CCSER2: variants seen among roughly 807,000 people sequenced by gnomAD.
CCSER2 encodes the protein serine-rich coiled-coil domain-containing protein 2.
A neutral mutation model predicts 92.3 loss-of-function variants in CCSER2; 46 were observed. The ratio of observed to expected loss-of-function variants is 0.50; its 90% CI spans 0.39 to 0.64. The LOEUF is 0.64. CCSER2 is among the 30% of genes least tolerant of loss of function. The probability of loss-of-function intolerance (pLI) is 0.00; values close to 1 mark genes in which losing one functional copy is unlikely to be tolerated. For synonymous variants in CCSER2, 433 were observed against 431.4 expected, an observed-to-expected ratio of 1.00 and a Z score of -0.04; for missense variants, 1,244 against 1,238.9, an observed-to-expected ratio of 1.00 and a Z score of -0.06.
chr10:84,506,825 A>AATT (rs1564734167), intron 9 of CCSER2, among the ~76,000 whole-genome samples: 1 of 151,880 alleles, frequency 6.6e-6, no homozygotes, highest in East Asian at 1.9e-4. Flanking sequence ...ATAAATAAAT[A>AATT]AATCTAACAC....
intron 3 of CCSER2, among the ~76,000 whole-genome samples, chr10:84,407,540 A>G (rs1281919644): frequency 6.6e-6 from 1 of 152,152 alleles, no homozygotes; most frequent in Non-Finnish European, 1.5e-5. Context: ...AGTGTGTTTC[A>G]TTACTGCTTA....
chr10:84,508,019 T>C (rs1195333541), intron 9 of CCSER2, among the ~76,000 whole-genome samples: 1 of 152,236 alleles, frequency 6.6e-6, no homozygotes, highest in Non-Finnish European at 1.5e-5. Flanking sequence ...CATCTGGTTA[T>C]ACTGTATATT....
chr10:84,400,577 C>A (rs903613981), intron 3 of CCSER2, among the ~76,000 whole-genome samples: 1 of 152,124 alleles, frequency 6.6e-6, no homozygotes, highest in South Asian at 2.1e-4. Flanking sequence ...TGACTTCATT[C>A]TTTTGCCATT....
At position 84,463,949 on chromosome 10, in the gene CCSER2, C is replaced by T. The variant is rs1328938818; in HGVS notation, c.2081C>T (p.Ser694Leu). 6.2e-7 allele frequency: 1 copy of T among 1,608,418 alleles called. No individual in the cohort carries two copies. The highest frequency in any genetic ancestry group is 1.1e-5 in the South Asian group (1 of 90,818). Residue 694 changes from serine to leucine, a missense_variant, in exon 7 of 10, where the codon TCA becomes TTA. Ser to Leu is a moderately radical substitution (Grantham distance 145). Coordinates refer to ENST00000372088, the MANE Select transcript of CCSER2 (RefSeq NM_001284240.2). ...TTCTGACAGCATGATGGAAGTGGTTCATTGCATGATATTCAACTGTCATTG... is the reference window on the plus strand; with the variant it reads ...TTCTGACAGCATGATGGAAGTGGTTTATTGCATGATATTCAACTGTCATTG... ...RLLHQHDGSGSLHDIQLSLPS... is the reference protein window; with the variant it reads ...RLLHQHDGSGLLHDIQLSLPS...
Position 84,332,266 on chromosome 10 carries a change from G to A in CCSER2, c.-40+3458G>A, listed in dbSNP as rs115478939. Among the ~76,000 whole-genome samples the A allele has an allele frequency of 4.1e-3, 623 of 151,162 alleles. 4 individuals are homozygous for A. The highest frequency in any genetic ancestry group is 0.015 in the African/African-American group (610 of 41,246). ...TCTAGTTTTATTTTCTCCTTTATTT[G>A]TCCATCGTCCATAAATTTATTGGAA... On this transcript the variant is annotated intron_variant, in intron 1 of 9. Coordinates refer to ENST00000372088, the MANE Select transcript of CCSER2 (RefSeq NM_001284240.2).
chr10:84,337,489 G>A (rs1843903856), intron 1 of CCSER2, among the ~76,000 whole-genome samples: 1 of 152,196 alleles, frequency 6.6e-6, no homozygotes, highest in African/African-American at 2.4e-5. Flanking sequence ...TGGAAGTGAA[G>A]ACTTGATTGG....
In CCSER2 at chr10:84,392,868, T is replaced by C. The variant is rs149949260; in HGVS notation, c.1614+19053T>C. 4.0e-3 allele frequency among the ~76,000 whole-genome samples: 606 copies of C among 152,278 alleles called. 2 individuals are homozygous for C. The highest frequency in any genetic ancestry group is 0.014 in the Middle Eastern group (4 of 294). ...GCGGATATAATTTGATGGTTGCACTTCATTAGATTTAATTTCTAGGCCAAT... is the reference window on the plus strand; with the variant it reads ...GCGGATATAATTTGATGGTTGCACTCCATTAGATTTAATTTCTAGGCCAAT... On this transcript the variant is annotated intron_variant, in intron 3 of 9. Transcript: ENST00000372088.
chr10:84,386,573 C>T lies in CCSER2; in HGVS notation c.1614+12758C>T, dbSNP rs553123458. Among the ~76,000 whole-genome samples the T allele has an allele frequency of 3.3e-5, 5 of 152,212 alleles. No individual in the cohort carries two copies. The East Asian group carries it at 9.7e-4, about 29-fold the overall frequency. ...CTCTACTAAAACTACAAAAATTAGCCAGACATGGTGGCACAAATGCCTGCG... is the reference window on the plus strand; with the variant it reads ...CTCTACTAAAACTACAAAAATTAGCTAGACATGGTGGCACAAATGCCTGCG... On this transcript the variant is annotated intron_variant, in intron 3 of 9. Transcript: ENST00000372088.
chr10:84,448,843 T>TAA, intron 6 of CCSER2, among the ~76,000 whole-genome samples: 1 of 152,192 alleles, frequency 6.6e-6, no homozygotes, highest in African/African-American at 2.4e-5. Flanking sequence ...GTACTCTTTT[T>TAA]GTTTCTGAAT....
chr10:84,467,887 C>G (rs1846546087), intron 7 of CCSER2, among the ~76,000 whole-genome samples: 1 of 152,106 alleles, frequency 6.6e-6, no homozygotes, highest in Non-Finnish European at 1.5e-5. Context: ...TATTATCACT[C>G]TCTTGGGTCA....
intron 6 of CCSER2, among the ~76,000 whole-genome samples, chr10:84,449,341 C>T (rs1434151659): frequency 6.6e-6 from 1 of 152,130 alleles, no homozygotes; most frequent in Non-Finnish European, 1.5e-5. Flanking sequence ...TACCAGTGCA[C>T]TCCAGCCTGG....
chr10:84,410,693 A>AT (rs1263977176), intron 3 of CCSER2, among the ~76,000 whole-genome samples: 6 of 152,020 alleles, frequency 3.9e-5, no homozygotes, highest in African/African-American at 1.2e-4. Flanking sequence ...GATTGCAAAA[A>AT]TTTTTCTCCC....
chr10:84,514,078 A>G lies in CCSER2; in HGVS notation c.2955A>G (p.Ser985=), dbSNP rs554868669. The change falls in exon 10 of 10, where the codon TCA becomes TCG. Residue 985 remains serine, a synonymous_variant. Coordinates refer to ENST00000372088, the MANE Select transcript of CCSER2 (RefSeq NM_001284240.2). ...AAGCATCTAAGCTCCGCCCCCCCTC[A>G]GGCTCTTTCAAACAAAAACAAACAA... is the stretch of plus-strand genomic sequence containing the variant. The part of the protein sequence containing the change: ...NLKASKLRPP[S]GSFKQKQTNS... 115 of 1,536,228 alleles carry G rather than the reference A, an allele frequency of 7.5e-5. 1 individual carries two copies. The East Asian group carries it at 2.6e-3, about 34-fold the overall frequency.
At chr10:84,396,367 C>T (rs1841838353) in intron 3 of CCSER2, among the ~76,000 whole-genome samples, 1 of 151,326 alleles carries the variant, frequency 6.6e-6, no homozygotes. Flanking sequence ...GATTTACTAA[C>T]TTACAATATT....
chr10:84,404,022 A>G (rs1842252770), intron 3 of CCSER2, among the ~76,000 whole-genome samples: 2 of 152,218 alleles, frequency 1.3e-5, no homozygotes, highest in African/African-American at 4.8e-5. Context: ...ACAATCTTTG[A>G]AAATAGGGTT....
intron 3 of CCSER2, among the ~76,000 whole-genome samples, chr10:84,377,919 C>T (rs1026519417): frequency 2.0e-5 from 3 of 152,048 alleles, no homozygotes; most frequent in Non-Finnish European, 4.4e-5. Context: ...GTATATTGGA[C>T]TTTTCTAATA....
chr10:84,329,950 T>C (rs1843468785), intron 1 of CCSER2, among the ~76,000 whole-genome samples: 1 of 152,268 alleles, frequency 6.6e-6, no homozygotes, highest in Non-Finnish European at 1.5e-5. Context: ...CACACTTTGT[T>C]GAACCCTTTA....
At chr10:84,368,923 A>C (rs889750989) in intron 1 of CCSER2, among the ~76,000 whole-genome samples, 4 of 152,182 alleles carry the variant, frequency 2.6e-5, no homozygotes, top group Non-Finnish European at 5.9e-5. Flanking sequence ...CTTAATTACA[A>C]GTAAGAACAT....
chr10:84,370,847 G>A (rs557448233), intron 1 of CCSER2, among the ~76,000 whole-genome samples, 167 bp from the exon 2 acceptor site: 2 of 152,184 alleles, frequency 1.3e-5, no homozygotes, highest in Admixed American at 1.3e-4. Flanking sequence ...CCAACATAAA[G>A]TTATTAATTT....
Sources: allele counts gnomAD v4.1 joint callset (sites outside exome capture counted in the v4.1 genomes callset), GRCh38; gene constraint gnomAD v4.1.1; transcripts MANE v1.5; gene names NCBI Gene and HGNC (gene_info 2026-07-23, HGNC 2026-07-21).